Variants in ADAM32 observed in about 807,000 individuals in gnomAD.
ADAM32 encodes the protein disintegrin and metalloproteinase domain-containing protein 32.
A neutral mutation model predicts 114.9 loss-of-function variants in ADAM32; 89 were observed. The ratio of observed to expected loss-of-function variants is 0.77; its 90% confidence interval spans 0.65 to 0.92. The LOEUF (loss-of-function observed/expected upper bound fraction) is 0.92. ADAM32 is among the 40% of genes least tolerant of loss of function. The probability of loss-of-function intolerance (pLI) is 0.00; values close to 1 mark genes in which losing one functional copy is unlikely to be tolerated. For missense variants in ADAM32, 870 were observed against 932.8 expected (o/e 0.93, Z 0.88); for synonymous variants, 285 against 307.5 (o/e 0.93, Z 0.77).
chr8:39,273,089 T>C (rs1438187005), intron 20 of ADAM32, among the ~76,000 whole-genome samples: 1 of 152,164 alleles, frequency 6.6e-6, no homozygotes, highest in African/African-American at 2.4e-5. Context: ...CCTGGAGCTG[T>C]CATTGGCCAG....
rs138200627 is a variant in ADAM32 at position 39,262,873 on chromosome 8, T to C, written c.2162+5530T>C. Among the ~76,000 whole-genome samples the C allele has an allele frequency of 1.3e-4, 19 of 151,754 alleles. No individual in the cohort carries two copies. The East Asian group carries it at 1.7e-3, about 14-fold the overall frequency. On this transcript the variant is annotated intron_variant, in intron 19 of 24. Coordinates refer to ENST00000379907, the MANE Select transcript of ADAM32 (RefSeq NM_145004.7). ...GGTGCGTGCCACCATGCCTGTCTAT[T>C]TTTTTTTAATTTTTAATACAGATGG...
chr8:39,137,645 C>G (rs1490348907), intron 3 of ADAM32, among the ~76,000 whole-genome samples: 2 of 151,866 alleles, frequency 1.3e-5, no homozygotes, highest in African/African-American at 2.4e-5. Flanking sequence ...GTGGCGTGCG[C>G]CTGTAATCCC....
chr8:39,184,026 G>A (rs923432662), intron 10 of ADAM32, among the ~76,000 whole-genome samples: 2 of 152,222 alleles, frequency 1.3e-5, no homozygotes, highest in African/African-American at 4.8e-5. Flanking sequence ...TCCAACAGGG[G>A]CATAGTGCTA....
intron 11 of ADAM32, among the ~76,000 whole-genome samples, chr8:39,196,902 T>G (rs1585513613): frequency 6.6e-6 from 1 of 152,120 alleles, no homozygotes; most frequent in Admixed American, 6.5e-5. Context: ...TTTGGAATAG[T>G]TTGAGAAAAA....
intron 1 of ADAM32, among the ~76,000 whole-genome samples, chr8:39,116,292 T>C (rs1046180697): frequency 5.3e-5 from 8 of 152,242 alleles, no homozygotes; most frequent in African/African-American, 1.7e-4. Flanking sequence ...GGTGGTTTGA[T>C]AGAAGTAGCA....
intron 11 of ADAM32, among the ~76,000 whole-genome samples, chr8:39,208,226 T>C (rs1167494912): frequency 6.6e-6 from 1 of 152,168 alleles, no homozygotes. Context: ...TCTTTTATAG[T>C]GTGTAATTTT....
chr8:39,230,633 G>T (rs1809677072), intron 14 of ADAM32, among the ~76,000 whole-genome samples: 1 of 152,104 alleles, frequency 6.6e-6, no homozygotes, highest in African/African-American at 2.4e-5. Context: ...CTCTGAACTA[G>T]CATTGCCTAT....
chr8:39,198,697 A>T (rs1564581494), intron 11 of ADAM32, among the ~76,000 whole-genome samples: 1 of 151,930 alleles, frequency 6.6e-6, no homozygotes, highest in Non-Finnish European at 1.5e-5. Flanking sequence ...GTTTTATTGT[A>T]TACCTTTACA....
chr8:39,249,004 G>A (rs1407900575), intron 17 of ADAM32, among the ~76,000 whole-genome samples: 1 of 150,964 alleles, frequency 6.6e-6, no homozygotes, highest in African/African-American at 2.4e-5. Context: ...CCAGGTTCAC[G>A]CCATTCTCCT....
chr8:39,166,491 A>G (rs569328048), intron 9 of ADAM32: 1 of 152,342 alleles, frequency 6.6e-6, no homozygotes, highest in Non-Finnish European at 1.5e-5. Flanking sequence ...TTGTGCTGCT[A>G]TAAACATGCG....
intron 11 of ADAM32, among the ~76,000 whole-genome samples, chr8:39,209,083 C>G (rs138180989): frequency 6.6e-6 from 1 of 151,900 alleles, no homozygotes; most frequent in Non-Finnish European, 1.5e-5. Context: ...TTTTCTACCC[C>G]CTTTCTCTTC....
intron 10 of ADAM32, among the ~76,000 whole-genome samples, chr8:39,181,485 G>A (rs916188773): frequency 7.9e-5 from 12 of 152,104 alleles, no homozygotes; most frequent in South Asian, 4.2e-4. Flanking sequence ...GAGGCTCCGC[G>A]GCTTCATTCT....
chr8:39,223,205 C>A lies in ADAM32; in HGVS notation c.1492C>A (p.Leu498Ile). ...FICYDGDCHDLDARCESVFGK... is the reference protein window; with the variant it reads ...FICYDGDCHDIDARCESVFGK... ...TTGTTATGACGGAGACTGCCATGAT[C>A]TCGATGCACGTTGTGAGAGTGTATT... The change falls in exon 14 of 25, where the codon CTC becomes ATC. Residue 498 changes from leucine to isoleucine, a missense_variant. Leu to Ile is a conservative substitution (Grantham distance 5, BLOSUM62 2). Transcript: ENST00000379907. 1 of 1,596,466 alleles carries A rather than the reference C, an allele frequency of 6.3e-7. No individual in the cohort carries two copies. The highest frequency in any genetic ancestry group is 2.3e-5 in the East Asian group (1 of 43,970).
chr8:39,200,606 G>T (rs1286507010), intron 11 of ADAM32, among the ~76,000 whole-genome samples: 2 of 152,120 alleles, frequency 1.3e-5, no homozygotes, highest in African/African-American at 4.8e-5. Flanking sequence ...TTCTTTTGTT[G>T]TGCAGAAGCT....
rs1442252395 is a variant in ADAM32 at position 39,237,866 on chromosome 8, A to G, written c.1818+3784A>G. The stretch of plus-strand genomic sequence containing the variant: ...CTAGGGCCCACCCATCACCTGAAAA[A>G]CTTGAATACTTACCTGGGTGACCTT... On this transcript the variant is annotated intron_variant, in intron 16 of 24. Transcript: ENST00000379907. Among the ~76,000 whole-genome samples, 5 of 152,012 alleles carry G rather than the reference A, an allele frequency of 3.3e-5. No individual in the cohort carries two copies. In the East Asian group the frequency reaches 7.7e-4, roughly 23 times the overall value.
intron 19 of ADAM32, among the ~76,000 whole-genome samples, chr8:39,258,601 T>C (rs765433479): frequency 6.6e-6 from 1 of 152,186 alleles, no homozygotes; most frequent in Non-Finnish European, 1.5e-5. Context: ...TCTATGTGGT[T>C]CTCTTAAATG....
At chr8:39,170,935 A>AGT (rs1805145960) in intron 10 of ADAM32, among the ~76,000 whole-genome samples, 1 of 151,994 alleles carries the variant, frequency 6.6e-6, no homozygotes, top group Non-Finnish European at 1.5e-5. Context: ...AATAAGTTCT[A>AGT]GTATATATAT....
intron 2 of ADAM32, chr8:39,129,958 T>C (rs1483599396): frequency 3.4e-6 from 1 of 291,304 alleles, no homozygotes; most frequent in Non-Finnish European, 6.9e-6. Context: ...ACATTTCCTT[T>C]TTTTTTTTTT....
intron 14 of ADAM32, among the ~76,000 whole-genome samples, chr8:39,227,043 C>G (rs1809424292): frequency 6.6e-6 from 1 of 152,144 alleles, no homozygotes; most frequent in Non-Finnish European, 1.5e-5. Context: ...CCGGAAGGGA[C>G]AGGGTGTGGT....
Sources: gnomAD v4.1 joint callset for allele counts (sites outside exome capture counted in the v4.1 genomes callset) on GRCh38, gnomAD v4.1.1 for gene constraint, MANE v1.5 for transcripts, NCBI Gene and HGNC (gene_info 2026-07-23, HGNC 2026-07-21) for gene names.